Variants in ZC3H13 observed in about 807,000 individuals in gnomAD.
ZC3H13 encodes zinc finger CCCH-type containing 13, also known as zinc finger CCCH domain-containing protein 13.
Under a neutral mutation model 204.1 loss-of-function variants are expected in ZC3H13, and 64 were observed. That is an observed-to-expected ratio of 0.31 (90% CI 0.26 to 0.39). ZC3H13 has a LOEUF of 0.39. Among genes scored for constraint, ZC3H13 ranks in the 10% least tolerant of loss-of-function variants. The pLI is 1.00. For synonymous variants in ZC3H13, 667 were observed against 693.7 expected (o/e 0.96, Z 0.60); for missense variants, 1,833 against 2,082.7 (o/e 0.88, Z 2.33).
At position 46,003,273 on chromosome 13, in the gene ZC3H13, T is replaced by A. The variant is rs2040882668; in HGVS notation, c.810A>T (p.Ile270=). ...GPRTPSPPPP[I]PEDIALGKKY... ...TTTTCCCCAGAGCGATATCTTCTGG[T>A]ATAGGAGGGGGTGGACTAGGAGTAC... Residue 270 remains isoleucine (I), a synonymous_variant, in exon 8 of 19, where the codon ATA becomes ATT. Transcript: ENST00000679008. The A allele has an allele frequency of 1.2e-6, 2 of 1,613,024 alleles. No individual in the cohort carries two copies. The highest frequency in any genetic ancestry group is 2.2e-5 in the South Asian group (2 of 90,716).
intron 15 of ZC3H13, among the ~76,000 whole-genome samples, chr13:45,965,857 A>G (rs562103200): frequency 1.0e-3 from 155 of 152,284 alleles, no homozygotes; most frequent in African/African-American, 3.6e-3. Context: ...AAACTTGCAA[A>G]CATTTAAAAA....
At chr13:45,978,048 T>A (rs573178443) in intron 11 of ZC3H13, among the ~76,000 whole-genome samples, 2 of 152,286 alleles carry the variant, frequency 1.3e-5, no homozygotes, top group African/African-American at 4.8e-5. Flanking sequence ...CTGTACATGC[T>A]GCACCCTCTC....
At chr13:45,978,875 G>A (rs1953300329) in intron 11 of ZC3H13, among the ~76,000 whole-genome samples, 1 of 151,950 alleles carries the variant, frequency 6.6e-6, no homozygotes, top group African/African-American at 2.4e-5. Flanking sequence ...TAACCAAAAT[G>A]CATTAGGCTT....
chr13:46,012,032 T>TTGTGAGA (rs2041600544), intron 5 of ZC3H13, among the ~76,000 whole-genome samples: 1 of 152,190 alleles, frequency 6.6e-6, no homozygotes, highest in Admixed American at 6.5e-5. Flanking sequence ...GTTTTAAAAT[T>TTGTGAGA]TGTGAGACAA....
chr13:45,959,537 C>A lies in ZC3H13; in HGVS notation c.4785G>T (p.Ala1595=). The change falls in exon 18 of 19, where the codon GCG becomes GCT. Residue 1595 remains alanine (A), a synonymous_variant. Transcript: ENST00000679008. ...LLSNLGPCCK[A]LCFRRDSAIR... The stretch of plus-strand genomic sequence containing the variant: ...TTGCAGAATCCCGTCTGAAGCACAA[C>A]GCCTTACAACATGGGCCAAGATTAC... 1 of 1,548,274 alleles carries A rather than the reference C, an allele frequency of 6.5e-7. No homozygotes were observed. The highest frequency in any genetic ancestry group is 8.7e-7 in the Non-Finnish European group (1 of 1,146,028).
intron 4 of ZC3H13, among the ~76,000 whole-genome samples, chr13:46,039,939 T>C (rs2043459371): frequency 6.6e-6 from 1 of 152,168 alleles, no homozygotes; most frequent in Non-Finnish European, 1.5e-5. Flanking sequence ...CTTTCTTTTT[T>C]TCAGAGTAGC....
chr13:45,968,920 G>T lies in ZC3H13; in HGVS notation c.3624C>A (p.Ser1208=). The change falls in exon 14 of 19, where the codon TCC becomes TCA. Residue 1208 remains serine (S), a synonymous_variant. Transcript: ENST00000679008. ...NRSHTSGRLR[S]PSNDSAHRSG... ...TTCGATGGGCTGAATCATTGGATGG[G>T]GAGCGAAGACGACCAGACGTATGAC... The T allele has an allele frequency of 6.2e-7, 1 of 1,614,160 alleles. No homozygotes were observed. The highest frequency in any genetic ancestry group is 8.5e-7 in the Non-Finnish European group (1 of 1,180,026).
At chr13:45,976,366 G>A in intron 11 of ZC3H13, 9 of 548,920 alleles carry the variant, frequency 1.6e-5, no homozygotes, top group Non-Finnish European at 2.1e-5. Flanking sequence ...AAATATAGTA[G>A]AACAAAACAT....
chr13:46,018,218 A>C (rs1166802572), intron 5 of ZC3H13, among the ~76,000 whole-genome samples: 1 of 152,164 alleles, frequency 6.6e-6, no homozygotes, highest in East Asian at 1.9e-4. Context: ...TAACAAGTAC[A>C]TCTCCATTTA....
chr13:46,031,763 A>AC (rs1405369571), intron 4 of ZC3H13, among the ~76,000 whole-genome samples: 1 of 152,246 alleles, frequency 6.6e-6, no homozygotes, highest in African/African-American at 2.4e-5. Flanking sequence ...TCAAAATTCA[A>AC]TTCACTGACA....
chr13:45,994,069 G>C lies in ZC3H13; in HGVS notation c.945-4972C>G, dbSNP rs566151991. ...CCAGCCTTGAGACAGCAAGAACAAC[G>C]CCTCCTTTTTGCACTTCTAGCCTCC... On this transcript the variant is annotated intron_variant, in intron 8 of 18. Transcript: ENST00000679008. Among the ~76,000 whole-genome samples the C allele has an allele frequency of 2.6e-5, 4 of 152,284 alleles. No homozygotes were observed. The South Asian group carries it at 8.3e-4, about 32-fold the overall frequency.
At chr13:46,042,072 T>A in intron 4 of ZC3H13, 92 bp downstream of exon 4, 1 of 974,996 alleles carries the variant, frequency 1.0e-6, no homozygotes, top group Admixed American at 1.9e-5. Context: ...ATTACACATT[T>A]ACCATATATT....
chr13:46,004,140 C>G (rs895589885), intron 7 of ZC3H13, among the ~76,000 whole-genome samples: 33 of 149,672 alleles, frequency 2.2e-4, no homozygotes, highest in East Asian at 1.4e-3. Context: ...AATGGTAACT[C>G]TGTGTGTGTG....
chr13:46,044,626 T>C (rs1201020987), intron 3 of ZC3H13, among the ~76,000 whole-genome samples: 2 of 152,130 alleles, frequency 1.3e-5, no homozygotes, highest in African/African-American at 2.4e-5. Context: ...ATAGCCTCAC[T>C]AAAAAGAAAT....
chr13:45,994,087 T>C (rs1391496780), intron 8 of ZC3H13, among the ~76,000 whole-genome samples: 1 of 152,260 alleles, frequency 6.6e-6, no homozygotes, highest in Non-Finnish European at 1.5e-5. Flanking sequence ...TTTGCACTTC[T>C]AGCCTCCTCA....
chr13:45,993,492 G>A (rs1370086549), intron 8 of ZC3H13, among the ~76,000 whole-genome samples: 1 of 152,184 alleles, frequency 6.6e-6, no homozygotes, highest in Non-Finnish European at 1.5e-5. Flanking sequence ...AAGCCAAGTG[G>A]AACCACAATT....
intron 4 of ZC3H13, among the ~76,000 whole-genome samples, chr13:46,022,521 A>G (rs1169846711): frequency 6.6e-6 from 1 of 151,970 alleles, no homozygotes; most frequent in Non-Finnish European, 1.5e-5. Context: ...ACGGTCTACT[A>G]TTCCACCTTG....
rs1027482724 is a variant in ZC3H13 at position 45,954,916 on chromosome 13, T to C, written c.*2211A>G. 1 of 152,214 alleles carries C rather than the reference T, an allele frequency of 6.6e-6. No individual in the cohort carries two copies. Among genetic ancestry groups the C allele is most frequent in the Non-Finnish European group, 1.5e-5 (1 of 68,034 alleles). The allele number at this position is 152,214 out of a possible 1,614,324, so 9.4% of individuals were successfully genotyped here. Reference sequence around the variant, plus strand: ...CAAAACTTTGTTAAATAAAGTTGGGTATTGTTAGTATACCCTTTACTAAAT... The same window carrying C: ...CAAAACTTTGTTAAATAAAGTTGGGCATTGTTAGTATACCCTTTACTAAAT... On this transcript the variant is annotated 3_prime_UTR_variant, in exon 19 of 19. Transcript: ENST00000679008.
At chr13:46,035,432 A>C (rs1480528324) in intron 4 of ZC3H13, among the ~76,000 whole-genome samples, 1 of 152,250 alleles carries the variant, frequency 6.6e-6, no homozygotes, top group African/African-American at 2.4e-5. Flanking sequence ...ATACATCTGC[A>C]GATCATACTA....
Sources: gnomAD v4.1 joint callset for allele counts (sites outside exome capture counted in the v4.1 genomes callset) on GRCh38, gnomAD v4.1.1 for gene constraint, MANE v1.5 for transcripts, NCBI Gene and HGNC (gene_info 2026-07-23, HGNC 2026-07-21) for gene names.